SLC24A2: variants seen among roughly 807,000 people sequenced by gnomAD.
The protein encoded by SLC24A2 is solute carrier family 24 member 2.
Under a neutral mutation model 62.0 loss-of-function variants are expected in SLC24A2, and 36 were observed. The observed-to-expected ratio is 0.58, with a 90% CI of 0.44 to 0.77. SLC24A2 has a LOEUF of 0.77. Among genes scored for constraint, SLC24A2 ranks in the 30% least tolerant of loss-of-function variants. The probability of loss-of-function intolerance (pLI) is 0.00; values close to 1 mark genes in which losing one functional copy is unlikely to be tolerated. For missense variants in SLC24A2, 846 were observed against 817.9 expected (o/e 1.03, Z -0.42); for synonymous variants, 358 against 294.0 (o/e 1.22, Z -2.23).
At chr9:19,827,446 C>T in the SLC24A2 span, among the ~76,000 whole-genome samples, 2 of 152,026 alleles carry the variant, frequency 1.3e-5, no homozygotes, top group Non-Finnish European at 2.9e-5. Flanking sequence ...TTGTTAGGAA[C>T]ATTCAAATGA....
At chr9:20,093,369 G>T in the SLC24A2 span, among the ~76,000 whole-genome samples, 1 of 151,906 alleles carries the variant, frequency 6.6e-6, no homozygotes, top group Non-Finnish European at 1.5e-5. Flanking sequence ...ACCACGCCCG[G>T]CCTATTTTCA....
intron 2 of SLC24A2, among the ~76,000 whole-genome samples, chr9:19,770,531 G>T (rs993599581): frequency 5.3e-5 from 8 of 151,966 alleles, no homozygotes; most frequent in Non-Finnish European, 1.2e-4. Context: ...GTTCTAGCAT[G>T]GGCTCAGATA....
the SLC24A2 span, among the ~76,000 whole-genome samples, chr9:20,128,311 A>C: frequency 1.3e-5 from 2 of 152,138 alleles, no homozygotes; most frequent in East Asian, 1.9e-4. Flanking sequence ...TTGCCAGATG[A>C]GAGACACAGG....
chr9:20,255,823 T>A, the SLC24A2 span, among the ~76,000 whole-genome samples: 4 of 152,208 alleles, frequency 2.6e-5, no homozygotes, highest in Admixed American at 2.6e-4. Flanking sequence ...TCATACTTAA[T>A]CTGCCACATC....
chr9:19,734,045 A>C (rs562650330), intron 2 of SLC24A2, among the ~76,000 whole-genome samples: 1 of 152,326 alleles, frequency 6.6e-6, no homozygotes, highest in South Asian at 2.1e-4. Context: ...CAGAGACTAA[A>C]TAGAACAGTT....
the SLC24A2 span, among the ~76,000 whole-genome samples, chr9:20,171,248 A>G: frequency 1.2e-4 from 19 of 152,132 alleles, no homozygotes; most frequent in African/African-American, 4.3e-4. Flanking sequence ...TCCTGGAAAC[A>G]CATCAAAACA....
In SLC24A2 at chr9:19,738,616, C is replaced by G. The variant is rs191184894; in HGVS notation, c.930+47321G>C. On this transcript the variant is annotated intron_variant, in intron 2 of 10. Transcript: ENST00000341998. ...AGTATCATTATTATTTTCAAATAAACTATTTGAATTAATAACTAAATTCTA... is the reference window on the plus strand; with the variant it reads ...AGTATCATTATTATTTTCAAATAAAGTATTTGAATTAATAACTAAATTCTA... Among the ~76,000 whole-genome samples the G allele has an allele frequency of 5.2e-3, 788 of 152,072 alleles. 4 individuals carry two copies. Among genetic ancestry groups the G allele is most frequent in the African/African-American group, 0.018 (744 of 41,472 alleles).
At chr9:20,183,810 C>T in the SLC24A2 span, among the ~76,000 whole-genome samples, 3 of 152,132 alleles carry the variant, frequency 2.0e-5, no homozygotes, top group Admixed American at 2.0e-4. Context: ...GTCAAGTAGC[C>T]CCAGATTATA....
chr9:20,016,008 C>G, the SLC24A2 span, among the ~76,000 whole-genome samples: 1 of 152,128 alleles, frequency 6.6e-6, no homozygotes, highest in South Asian at 2.1e-4. Context: ...TGAACATGTT[C>G]ACAAGTGTAA....
the SLC24A2 span, among the ~76,000 whole-genome samples, chr9:20,144,890 T>C: frequency 6.6e-6 from 1 of 152,184 alleles, no homozygotes; most frequent in African/African-American, 2.4e-5. Flanking sequence ...ATTCTGATAG[T>C]TTTCTATTCT....
chr9:20,102,732 AG>A, the SLC24A2 span, among the ~76,000 whole-genome samples: 2 of 152,216 alleles, frequency 1.3e-5, no homozygotes, highest in Non-Finnish European at 2.9e-5. Context: ...ATGGCCGAAT[AG>A]GAACAGCTCC....
At chr9:20,247,482 T>G in the SLC24A2 span, among the ~76,000 whole-genome samples, 1 of 152,152 alleles carries the variant, frequency 6.6e-6, no homozygotes, top group African/African-American at 2.4e-5. Context: ...TGGATGAGAC[T>G]AGTGCCCTTA....
At chr9:19,764,536 T>C (rs1162677413) in intron 2 of SLC24A2, among the ~76,000 whole-genome samples, 1 of 152,192 alleles carries the variant, frequency 6.6e-6, no homozygotes, top group Non-Finnish European at 1.5e-5. Flanking sequence ...AACTTATTTA[T>C]TTCTGTCTTA....
At chr9:19,946,657 C>T in the SLC24A2 span, among the ~76,000 whole-genome samples, 22 of 152,218 alleles carry the variant, frequency 1.4e-4, no homozygotes, top group Non-Finnish European at 2.6e-4. Flanking sequence ...CTGCCTATAC[C>T]AGCAGATGCC....
chr9:19,983,509 G>A, the SLC24A2 span, among the ~76,000 whole-genome samples: 1 of 152,144 alleles, frequency 6.6e-6, no homozygotes, highest in Non-Finnish European at 1.5e-5. Context: ...CGGGCATGGT[G>A]GCATTCACCT....
the SLC24A2 span, among the ~76,000 whole-genome samples, chr9:20,087,539 A>T: frequency 6.6e-6 from 1 of 152,212 alleles, no homozygotes; most frequent in Non-Finnish European, 1.5e-5. Context: ...TCAAAGAGAG[A>T]TAATATTTCC....
At chr9:19,904,228 T>C in the SLC24A2 span, among the ~76,000 whole-genome samples, 1 of 152,218 alleles carries the variant, frequency 6.6e-6, no homozygotes, top group African/African-American at 2.4e-5. Context: ...TCTGACAAGA[T>C]GAACATTTAA....
At chr9:20,202,216 T>C in the SLC24A2 span, among the ~76,000 whole-genome samples, 2 of 152,212 alleles carry the variant, frequency 1.3e-5, no homozygotes, top group East Asian at 3.9e-4. Flanking sequence ...AGCCCTCCTC[T>C]CCTGATCAGG....
chr9:20,027,748 C>A, the SLC24A2 span, among the ~76,000 whole-genome samples: 1 of 152,070 alleles, frequency 6.6e-6, no homozygotes, highest in Non-Finnish European at 1.5e-5. Context: ...AGCAAAGTGA[C>A]TACAGATAAT....
Sources: allele counts gnomAD v4.1 joint callset (sites outside exome capture counted in the v4.1 genomes callset), GRCh38; gene constraint gnomAD v4.1.1; transcripts MANE v1.5; gene names NCBI Gene and HGNC (gene_info 2026-07-23, HGNC 2026-07-21).